ZNF718: variants seen among roughly 807,000 people sequenced by gnomAD.
The protein encoded by ZNF718 is zinc finger protein 718.
ZNF718 carries 3 observed loss-of-function variants against 2.6 expected under a neutral mutation model. The observed-to-expected ratio is 1.16, with a 90% CI of 0.53 to 3.01. ZNF718 has a LOEUF of 3.01. Ranked by LOEUF, ZNF718 falls within the 30% of genes most tolerant of loss-of-function variation. The pLI is 0.03. For synonymous variants in ZNF718, 135 were observed against 77.9 expected (o/e 1.73, Z -3.86); for missense variants, 468 against 230.0 (o/e 2.03, Z -6.69).
In ZNF718 at chr4:161,815, A is replaced by C. The variant is rs142617051; in HGVS notation, c.1130A>C (p.Asn377Thr). 3.8e-6 allele frequency: 3 copies of C among 780,906 alleles called. No individual in the cohort carries two copies. The highest frequency in any genetic ancestry group is 2.7e-5 in the South Asian group (2 of 74,616). The allele number at this position is 780,906 out of a possible 1,614,324, so 48.4% of individuals were successfully genotyped here. A position where few individuals can be genotyped will look rare whatever the true frequency, so the allele number is the denominator to read the frequency against. The change falls in exon 4 of 4, where the codon AAT becomes ACT. Residue 377 changes from asparagine to threonine, a missense_variant. Asn to Thr is a moderately conservative substitution (Grantham distance 65, BLOSUM62 0). Transcript: ENST00000510175. ...TGTGAAGAATGTGGAAAAGCCTTTA[A>C]TTGGTCCTCAACCCTTAATGTACAC... ...YTCEECGKAF[N>T]WSSTLNVHKR... is the part of the protein sequence containing the mutation.
At chr4:183,223 G>C (rs1435368718) in intron 3 of ZNF718, among the ~76,000 whole-genome samples, 1 of 152,182 alleles carries the variant, frequency 6.6e-6, no homozygotes, top group Non-Finnish European at 1.5e-5. Context: ...CATATGGCTA[G>C]CCAGTTCTCC....
At chr4:201,391 T>G (rs1179255416) in intron 4 of ZNF718, 1 of 152,264 alleles carries the variant, frequency 6.6e-6, no homozygotes, top group Non-Finnish European at 1.5e-5. Context: ...GGTGGGGTGG[T>G]TAGGTAGGAA....
intron 3 of ZNF718, among the ~76,000 whole-genome samples, chr4:133,186 AAAAAAAAAAATATATATATATATATAT>A (rs1418048853): frequency 1.7e-4 from 4 of 23,260 alleles, no homozygotes; most frequent in African/African-American, 7.9e-4. Context: ...TTAAAAAAAA[AAAAAAAAAAATATATATATATATATAT>A]ATATATATAT....
At chr4:189,815 G>A (rs1394087558) in intron 3 of ZNF718, among the ~76,000 whole-genome samples, 1 of 152,060 alleles carries the variant, frequency 6.6e-6, no homozygotes, top group Admixed American at 6.5e-5. Context: ...TTTTCTGAGT[G>A]TTTTATCATA....
At chr4:185,569 C>G (rs1226949685) in intron 3 of ZNF718, among the ~76,000 whole-genome samples, 1 of 151,846 alleles carries the variant, frequency 6.6e-6, no homozygotes, top group Non-Finnish European at 1.5e-5. Flanking sequence ...AATTTTCTAT[C>G]TTGATGTCTA....
At chr4:185,162 A>G (rs1425767992) in intron 3 of ZNF718, among the ~76,000 whole-genome samples, 2 of 152,116 alleles carry the variant, frequency 1.3e-5, no homozygotes, top group East Asian at 1.9e-4. Flanking sequence ...TTCTCTTAAC[A>G]CTGCTTTAGC....
At chr4:146,030 A>G (rs1581439443) in intron 3 of ZNF718, among the ~76,000 whole-genome samples, 1 of 151,608 alleles carries the variant, frequency 6.6e-6, no homozygotes, top group East Asian at 1.9e-4. Flanking sequence ...TGTAACTTAT[A>G]TCAGAGTTAA....
intron 3 of ZNF718, among the ~76,000 whole-genome samples, chr4:173,361 T>G (rs782153121): frequency 1.3e-5 from 2 of 152,216 alleles, no homozygotes; most frequent in East Asian, 1.9e-4. Context: ...TAGTTTCCAT[T>G]GTGCCCATTT....
chr4:141,884 A>G (rs1029265352), intron 3 of ZNF718: 19 of 344,394 alleles, frequency 5.5e-5, no homozygotes, highest in Admixed American at 4.1e-4. Context: ...ACATTTTATA[A>G]AGGGATTTCA....
chr4:160,197 A>G lies in ZNF718; in HGVS notation c.227-715A>G, dbSNP rs115385276. On this transcript the variant is annotated intron_variant, in intron 3 of 3. Transcript: ENST00000510175. ...TTTGTAATAATTTCCAAAAACCAGA[A>G]GTAGGAATGCGTGTGTCACTATTTT... Among the ~76,000 whole-genome samples the G allele has an allele frequency of 2.4e-3, 371 of 152,330 alleles. 2 individuals carry two copies. The highest frequency in any genetic ancestry group is 8.3e-3 in the African/African-American group (343 of 41,568).
At position 161,751 on chromosome 4, in the gene ZNF718, A is replaced by C. The variant is rs1716879385; in HGVS notation, c.1066A>C (p.Thr356Pro). Reference protein sequence around the residue: ...KSFNRSTTLTTHKRIHTGEKP... With the variant: ...KSFNRSTTLTPHKRIHTGEKP... The stretch of plus-strand genomic sequence containing the variant: ...CTTTAATAGGTCCACAACTCTTACG[A>C]CACATAAGAGAATCCATACTGGAGA... The change falls in exon 4 of 4, where the codon ACA becomes CCA. Residue 356 changes from threonine to proline, a missense_variant. Physicochemically the swap from Thr to Pro is conservative, Grantham distance 38 (BLOSUM62 -1). Coordinates refer to ENST00000510175, the MANE Select transcript of ZNF718 (RefSeq NM_001039127.6). 1.3e-6 allele frequency: 1 copy of C among 780,124 alleles called. No homozygotes were observed. The highest frequency in any genetic ancestry group is 1.7e-5 in the African/African-American group (1 of 59,184). 48.3% of individuals were successfully genotyped at this position (780,124 alleles called of 1,614,324 possible). A position where few individuals can be genotyped will look rare whatever the true frequency, so the allele number is the denominator to read the frequency against.
At position 124,544 on chromosome 4, in the gene ZNF718, TCGCTCTGCTCC is replaced by T; in HGVS notation, c.-121_-111del. 1 of 1,391,520 alleles carries T rather than the reference TCGCTCTGCTCC, an allele frequency of 7.2e-7. No individual in the cohort carries two copies. The highest frequency in any genetic ancestry group is 1.0e-6 in the Non-Finnish European group (1 of 996,030). The allele number at this position is 1,391,520 out of a possible 1,614,324, so 86.2% of individuals were successfully genotyped here. ...CAGCCAGAGCTCGGTTAGGGCCTCATCGCTCTGCTCCCGCTCCTTAGGGAAGCCTCGGTGAT... is the reference window on the plus strand; with the variant it reads ...CAGCCAGAGCTCGGTTAGGGCCTCATCGCTCCTTAGGGAAGCCTCGGTGAT... On this transcript the variant is annotated 5_prime_UTR_variant, in exon 1 of 4. Transcript: ENST00000510175.
chr4:166,459 C>T (rs1331843838), downstream of ZNF718, among the ~76,000 whole-genome samples: 1 of 152,172 alleles, frequency 6.6e-6, no homozygotes, highest in Non-Finnish European at 1.5e-5. Flanking sequence ...AGTTTACAGT[C>T]CCACCAACAG....
chr4:148,938 T>G (rs1716194970), intron 3 of ZNF718, among the ~76,000 whole-genome samples: 1 of 152,202 alleles, frequency 6.6e-6, no homozygotes, highest in Admixed American at 6.5e-5. Context: ...GGGACTATGA[T>G]GGGCAAGCAT....
chr4:152,559 C>T (rs1716375008), intron 3 of ZNF718, among the ~76,000 whole-genome samples: 2 of 151,316 alleles, frequency 1.3e-5, no homozygotes, highest in East Asian at 3.9e-4. Context: ...GCACATGTTT[C>T]AGAGAGCACG....
chr4:179,674 G>T (rs887644327), intron 3 of ZNF718, among the ~76,000 whole-genome samples: 1 of 152,150 alleles, frequency 6.6e-6, no homozygotes, highest in Non-Finnish European at 1.5e-5. Context: ...ATCTCCAGCT[G>T]TTTTATCTTT....
exon 5 of ZNF718, chr4:201,875 T>G: frequency 5.4e-6 from 1 of 185,550 alleles, no homozygotes; most frequent in Admixed American, 5.4e-5. Flanking sequence ...ATGATATAGT[T>G]CTTCTGTAAA....
chr4:191,396 C>G (rs1309569921), intron 3 of ZNF718, among the ~76,000 whole-genome samples: 1 of 152,018 alleles, frequency 6.6e-6, no homozygotes, highest in African/African-American at 2.4e-5. Context: ...AGGTGATCCA[C>G]CTGCCTCAGC....
intron 3 of ZNF718, among the ~76,000 whole-genome samples, chr4:140,236 C>T (rs1715754728): frequency 6.6e-6 from 1 of 152,110 alleles, no homozygotes; most frequent in Non-Finnish European, 1.5e-5. Flanking sequence ...TGGAGGTGCC[C>T]ACCTAAGGTC....
Sources: allele counts gnomAD v4.1 joint callset (sites outside exome capture counted in the v4.1 genomes callset), GRCh38; gene constraint gnomAD v4.1.1; transcripts MANE v1.5; gene names NCBI Gene and HGNC (gene_info 2026-07-23, HGNC 2026-07-21).